The following SQSTM1 variants were observed in gnomAD, a reference collection of about 807,000 sequenced individuals.
SQSTM1 encodes sequestosome-1.
SQSTM1 carries 36 observed loss-of-function variants against 45.1 expected under a neutral mutation model. The observed-to-expected ratio is 0.80, with a 90% CI of 0.61 to 1.05. The LOEUF is 1.05. Ranked by LOEUF, SQSTM1 falls within the 50% of genes least tolerant of loss-of-function variation. The probability of loss-of-function intolerance (pLI) is 0.00; values close to 1 mark genes in which losing one functional copy is unlikely to be tolerated. For missense variants in SQSTM1, 617 were observed against 607.1 expected (o/e 1.02, Z -0.17); for synonymous variants, 290 against 244.3 (o/e 1.19, Z -1.74).
chr5:179,811,927 C>T (rs1193140408), intron 2 of SQSTM1: 1 of 152,206 alleles, frequency 6.6e-6, no homozygotes, highest in South Asian at 2.1e-4. Flanking sequence ...GCCTCAGCCT[C>T]CTGAGTAGCT....
upstream of SQSTM1, chr5:179,820,607 A>G: frequency 3.7e-6 from 1 of 269,698 alleles, no homozygotes; most frequent in Non-Finnish European, 7.0e-6. Flanking sequence ...GACCCCCGCC[A>G]GTACCCTGAT....
At chr5:179,821,179 G>A in intron 1 of SQSTM1, 38 bp downstream of exon 1, 1 of 1,321,990 alleles carries the variant, frequency 7.6e-7, no homozygotes, top group Non-Finnish European at 9.6e-7. Flanking sequence ...GGTGACGCAG[G>A]CCGGACACGG....
upstream of SQSTM1, chr5:179,820,069 T>A (rs2113477274): frequency 6.5e-6 from 1 of 152,822 alleles, no homozygotes; most frequent in South Asian, 2.1e-4. Flanking sequence ...GACAGGTTAC[T>A]CTGGTGGCAT....
In SQSTM1 at chr5:179,825,175, A is replaced by G. The variant is rs1467107148; in HGVS notation, c.703A>G (p.Asn235Asp). ...ASGPSEDPSVNFLKNVGESVA... is the reference protein window; with the variant it reads ...ASGPSEDPSVDFLKNVGESVA... Reference sequence around the variant, plus strand: ...TGGTCCATCGGAGGATCCGAGTGTGAATTTCCTGAAGAACGTTGGGGAGAG... The same window carrying G: ...TGGTCCATCGGAGGATCCGAGTGTGGATTTCCTGAAGAACGTTGGGGAGAG... The change falls in exon 5 of 8, where the codon AAT becomes GAT. Residue 235 changes from asparagine to aspartate, a missense_variant. Transcript: ENST00000389805. The G allele has an allele frequency of 6.2e-7, 1 of 1,614,128 alleles. No homozygotes were observed. The highest frequency in any genetic ancestry group is 1.7e-5 in the Admixed American group (1 of 60,028).
upstream of SQSTM1, chr5:179,820,332 CG>C (rs1757725855): frequency 6.6e-6 from 1 of 152,458 alleles, no homozygotes; most frequent in Non-Finnish European, 1.5e-5. Flanking sequence ...AGGCCAGAGT[CG>C]GGGTCCGTCA....
Position 179,836,816 on chromosome 5 carries a change from A to C in SQSTM1, c.*223A>C, listed in dbSNP as rs1758584324. On this transcript the variant is annotated 3_prime_UTR_variant, in exon 8 of 8. Coordinates refer to ENST00000389805, the MANE Select transcript of SQSTM1 (RefSeq NM_003900.5). ...CCTGGGTGCCCTGGCTCCTTGCAGC[A>C]GGGCTGGGCCTGCGAGACCCAAGGC... 1.4e-6 allele frequency: 1 copy of C among 725,186 alleles called. No individual in the cohort carries two copies. The highest frequency in any genetic ancestry group is 1.7e-5 in the African/African-American group (1 of 57,160). 44.9% of individuals were successfully genotyped at this position (725,186 alleles called of 1,614,324 possible). A position where few individuals can be genotyped will look rare whatever the true frequency, so the allele number is the denominator to read the frequency against.
At chr5:179,807,057 G>A (rs989894902) in intron 1 of SQSTM1, 1 of 151,770 alleles carries the variant, frequency 6.6e-6, no homozygotes, top group Non-Finnish European at 1.5e-5. Context: ...GGGTGGGGTG[G>A]GGGCCGGCGG....
rs115381739 is a variant in SQSTM1 at position 179,836,229 on chromosome 5, G to A, written c.1166-207G>A. The A allele has an allele frequency of 2.8e-4, 184 of 647,056 alleles. 2 individuals are homozygous for A. Among genetic ancestry groups the A allele is most frequent in the African/African-American group, 1.6e-3 (87 of 55,540 alleles). 40.1% of individuals were successfully genotyped at this position (647,056 alleles called of 1,614,324 possible). ...ACACACCACCTGGCTGCCTGGTGTC[G>A]CAGTGGCAGAGTTGAGCAGTGTGAA... On this transcript the variant is annotated intron_variant, in intron 7 of 7. Coordinates refer to ENST00000389805, the MANE Select transcript of SQSTM1 (RefSeq NM_003900.5).
Position 179,833,600 on chromosome 5 carries a change from C to T in SQSTM1, c.983C>T (p.Ser328Leu), listed in dbSNP as rs763767102. 6 of 1,614,108 alleles carry T rather than the reference C, an allele frequency of 3.7e-6. No individual in the cohort carries two copies. The highest frequency in any genetic ancestry group is 1.1e-5 in the South Asian group (1 of 91,072). The change falls in exon 7 of 8, where the codon TCG (serine) becomes TTG (leucine). Residue 328 changes from serine to leucine, a missense_variant. Coordinates refer to ENST00000389805, the MANE Select transcript of SQSTM1 (RefSeq NM_003900.5). The stretch of plus-strand genomic sequence containing the variant: ...GTTTTGTTCCAGGAACAGATGGAGT[C>T]GGATAACTGTTCAGGAGGAGATGAT... ...SEGRPEEQME[S>L]DNCSGGDDDW...
At chr5:179,822,935 G>C (rs113754952) in intron 1 of SQSTM1, 23 bp from the exon 2 acceptor site, 1 of 1,611,274 alleles carries the variant, frequency 6.2e-7, no homozygotes, top group South Asian at 1.1e-5. Flanking sequence ...GGGTGCTCAC[G>C]TGCTGTCTTT....
intron 2 of SQSTM1, 133 bp downstream of exon 2, chr5:179,823,186 A>C: frequency 1.2e-6 from 1 of 867,270 alleles, no homozygotes; most frequent in Admixed American, 2.0e-5. Context: ...ACAGAGACAT[A>C]GGCCAGGTGT....
At chr5:179,827,711 C>T (rs1758054163) in intron 5 of SQSTM1, among the ~76,000 whole-genome samples, 1 of 152,362 alleles carries the variant, frequency 6.6e-6, no homozygotes, top group East Asian at 1.9e-4. Context: ...GTGGTTTCAG[C>T]TGAGGAGAGC....
intron 5 of SQSTM1, among the ~76,000 whole-genome samples, chr5:179,830,425 C>G (rs1444811369): frequency 6.6e-6 from 1 of 152,096 alleles, no homozygotes; most frequent in Non-Finnish European, 1.5e-5. Flanking sequence ...GAAACCGGGT[C>G]TCACTGTCAT....
At chr5:179,826,889 G>C (rs1758016212) in intron 5 of SQSTM1, among the ~76,000 whole-genome samples, 1 of 152,076 alleles carries the variant, frequency 6.6e-6, no homozygotes, top group Admixed American at 6.5e-5. Flanking sequence ...CCAAGAATCA[G>C]TATTCTTAAT....
In SQSTM1 at chr5:179,836,501, G is replaced by C. The variant is rs143511494; in HGVS notation, c.1231G>C (p.Gly411Arg). The C allele has an allele frequency of 2.5e-6, 4 of 1,614,160 alleles. No homozygotes were observed. Among genetic ancestry groups the C allele is most frequent in the Non-Finnish European group, 3.4e-6 (4 of 1,180,032 alleles). The change falls in exon 8 of 8, where the codon GGC (glycine) becomes CGC (arginine). Residue 411 changes from glycine to arginine, a missense_variant. Transcript: ENST00000389805. ...MLSMGFSDEG[G>R]WLTRLLQTKN... is the part of the protein sequence containing the mutation. ...GTCCATGGGCTTCTCTGATGAAGGC[G>C]GCTGGCTCACCAGGCTCCTGCAGAC... is the stretch of plus-strand genomic sequence containing the variant.
intron 5 of SQSTM1, among the ~76,000 whole-genome samples, chr5:179,832,802 A>G (rs1345227296): frequency 1.3e-5 from 2 of 152,000 alleles, no homozygotes; most frequent in African/African-American, 2.4e-5. Context: ...CCTCTGACTC[A>G]TGGGTTTGTA....
intron 7 of SQSTM1, among the ~76,000 whole-genome samples, chr5:179,834,726 G>T (rs1346389069): frequency 1.3e-5 from 2 of 152,194 alleles, no homozygotes; most frequent in Non-Finnish European, 2.9e-5. Context: ...GCACGGGGTT[G>T]GGGGTAAGGT....
chr5:179,825,711 G>C (rs1015626895), intron 5 of SQSTM1, among the ~76,000 whole-genome samples: 1 of 152,200 alleles, frequency 6.6e-6, no homozygotes, highest in East Asian at 1.9e-4. Context: ...AGAAGGTGGA[G>C]GCAGGTGCTC....
At position 179,823,880 on chromosome 5, in the gene SQSTM1, C is replaced by T. The variant is rs1282484160; in HGVS notation, c.324C>T (p.Asp108=). 3.1e-6 allele frequency: 5 copies of T among 1,612,552 alleles called. No individual in the cohort carries two copies. The highest frequency in any genetic ancestry group is 4.2e-6 in the Non-Finnish European group (5 of 1,180,010). ...TAGAGAAAAAAGAGTGCCGGCGGGA[C>T]CACCGCCCACCGTGTGCTCAGGAGG... ...YIKEKKECRR[D]HRPPCAQEAP... The change falls in exon 3 of 8, where the codon GAC becomes GAT. Residue 108 remains aspartate, a synonymous_variant. Coordinates refer to ENST00000389805, the MANE Select transcript of SQSTM1 (RefSeq NM_003900.5).
Sources: gnomAD v4.1 joint callset for allele counts (sites outside exome capture counted in the v4.1 genomes callset) on GRCh38, gnomAD v4.1.1 for gene constraint, MANE v1.5 for transcripts, NCBI Gene and HGNC (gene_info 2026-07-23, HGNC 2026-07-21) for gene names.